Variants in SLC4A8 observed in about 807,000 individuals in gnomAD.
The protein encoded by SLC4A8 is electroneutral sodium bicarbonate exchanger 1.
Under a neutral mutation model 125.0 loss-of-function variants are expected in SLC4A8, and 40 were observed. That is an observed-to-expected ratio of 0.32 (90% confidence interval 0.25 to 0.42). The LOEUF (loss-of-function observed/expected upper bound fraction) is 0.42, where lower values mean the gene tolerates loss of function less well. Among genes scored for constraint, SLC4A8 ranks in the 10% least tolerant of loss-of-function variants. The probability of loss-of-function intolerance (pLI) is 1.00; values close to 1 mark genes in which losing one functional copy is unlikely to be tolerated. For synonymous variants in SLC4A8, 456 were observed against 476.0 expected (o/e 0.96, Z 0.55); for missense variants, 863 against 1,355.1 (o/e 0.64, Z 5.70).
At chr12:51,462,159 C>T (rs1950347075) in intron 9 of SLC4A8, 151 bp from the exon 10 acceptor site, 3 of 674,592 alleles carry the variant, frequency 4.4e-6, no homozygotes, top group Non-Finnish European at 7.7e-6. Context: ...TTTATCCTTG[C>T]ACTTCTCTAA....
At chr12:51,497,206 C>G (rs749859507) in intron 22 of SLC4A8, 82 bp downstream of exon 22, 1 of 1,410,736 alleles carries the variant, frequency 7.1e-7, no homozygotes, top group Non-Finnish European at 9.6e-7. Flanking sequence ...GTCAGCATGT[C>G]TGGAATCCCG....
rs2138468112 is a variant in SLC4A8, at chr12:51,509,112, A to G, written c.*1674A>G. On this transcript the variant is annotated 3_prime_UTR_variant, in exon 25 of 25. Transcript: ENST00000453097. ...CTCAGAAGGGATGCCTGCTGTAAAC[A>G]AGCAGTATGTATGGTTGTACCAATG... 6.5e-6 allele frequency: 1 copy of G among 152,806 alleles called. No individual in the cohort carries two copies. Among genetic ancestry groups the G allele is most frequent in the South Asian group, 2.1e-4 (1 of 4,828 alleles). 9.5% of individuals were successfully genotyped at this position (152,806 alleles called of 1,614,324 possible). A position where few individuals can be genotyped will look rare whatever the true frequency, so the allele number is the denominator to read the frequency against.
chr12:51,470,571 A>G (rs1183654200), intron 13 of SLC4A8, 46 bp downstream of exon 13: 2 of 1,560,100 alleles, frequency 1.3e-6, no homozygotes, highest in East Asian at 4.5e-5. Flanking sequence ...TTTAGTGATT[A>G]TGCTGCCAGG....
Position 51,507,454 on chromosome 12 carries a change from TG to T in SLC4A8, c.*18del. ...CTTCAACTAAGAGTCTTTGCTGGGA[TG>T]GAAGATTTGGGCCGTGTGGTGCCTC... On this transcript the variant is annotated 3_prime_UTR_variant, in exon 25 of 25. Transcript: ENST00000453097. The T allele has an allele frequency of 1.4e-6, 2 of 1,390,116 alleles. No individual in the cohort carries two copies. Among genetic ancestry groups the T allele is most frequent in the South Asian group, 4.3e-5 (2 of 46,568 alleles). The allele number at this position is 1,390,116 out of a possible 1,614,324, so 86.1% of individuals were successfully genotyped here.
intron 1 of SLC4A8, among the ~76,000 whole-genome samples, chr12:51,412,955 A>T (rs1027413970): frequency 2.8e-5 from 4 of 144,538 alleles, no homozygotes; most frequent in Admixed American, 7.1e-5. Flanking sequence ...GCTGGATCAC[A>T]TGGTAGTTCT....
chr12:51,485,069 T>A (rs1951127204), intron 16 of SLC4A8, among the ~76,000 whole-genome samples: 1 of 151,660 alleles, frequency 6.6e-6, no homozygotes, highest in Non-Finnish European at 1.5e-5. Flanking sequence ...TGGAGCAGAG[T>A]GGGCAAGCAG....
In SLC4A8 at chr12:51,434,068, T is replaced by G. The variant is rs569812674; in HGVS notation, c.49-6640T>G. 5.9e-5 allele frequency among the ~76,000 whole-genome samples: 9 copies of G among 151,968 alleles called. No homozygotes were observed. In the South Asian group the frequency reaches 1.7e-3, roughly 28 times the overall value. The stretch of plus-strand genomic sequence containing the variant: ...TTTTGAATTTGTTGTAGGGACGAGG[T>G]TTCACTATGTTGCCCAGGCTGGTCT... On this transcript the variant is annotated intron_variant, in intron 1 of 24. Coordinates refer to ENST00000453097, the MANE Select transcript of SLC4A8 (RefSeq NM_001039960.3).
intron 1 of SLC4A8, among the ~76,000 whole-genome samples, chr12:51,398,784 C>G (rs1024604545): frequency 3.3e-5 from 5 of 152,214 alleles, no homozygotes; most frequent in Admixed American, 6.5e-5. Flanking sequence ...GAGTCTCGCT[C>G]TGTCGCGCAG....
At position 51,455,170 on chromosome 12, in the gene SLC4A8, A is replaced by T. The variant is rs567646647; in HGVS notation, c.574+1471A>T. Among the ~76,000 whole-genome samples the T allele has an allele frequency of 1.7e-3, 258 of 150,464 alleles. 1 individual carries two copies. Among genetic ancestry groups the T allele is most frequent in the African/African-American group, 6.0e-3 (247 of 40,914 alleles). The stretch of plus-strand genomic sequence containing the variant: ...ATCTCAAGGCAGAAGAATTTTTCTT[A>T]GCACATAACAAAATGGAGTCTCCTA... On this transcript the variant is annotated intron_variant, in intron 5 of 24. Transcript: ENST00000453097.
Position 51,512,941 on chromosome 12 carries a change from T to C in SLC4A8, c.*5503T>C, listed in dbSNP as rs1345800256. On this transcript the variant is annotated 3_prime_UTR_variant, in exon 25 of 25. Coordinates refer to ENST00000453097, the MANE Select transcript of SLC4A8 (RefSeq NM_001039960.3). ...GTTAGGTGATTTCCATGACCACATTTGCTTGGGCCAGGGAAGTGGTGCACC... is the reference window on the plus strand; with the variant it reads ...GTTAGGTGATTTCCATGACCACATTCGCTTGGGCCAGGGAAGTGGTGCACC... 1 of 152,210 alleles carries C rather than the reference T, an allele frequency of 6.6e-6. No individual in the cohort carries two copies. The highest frequency in any genetic ancestry group is 1.5e-5 in the Non-Finnish European group (1 of 68,032). The allele number at this position is 152,210 out of a possible 1,614,324, so 9.4% of individuals were successfully genotyped here.
intron 22 of SLC4A8, chr12:51,501,713 T>G (rs1205431124): frequency 2.0e-5 from 3 of 152,232 alleles, no homozygotes; most frequent in African/African-American, 7.2e-5. Context: ...CTATTTTTAG[T>G]TCTTTGAGAA....
Position 51,493,783 on chromosome 12 carries a change from G to A in SLC4A8, c.2769+11G>A. 1 of 1,573,240 alleles carries A rather than the reference G, an allele frequency of 6.4e-7. No individual in the cohort carries two copies. The highest frequency in any genetic ancestry group is 8.8e-7 in the Non-Finnish European group (1 of 1,142,700). The stretch of plus-strand genomic sequence containing the variant: ...CTACAGGGAATTCAGGTATTGTATG[G>A]TTCAGCCAGGGCAGTTTCTTCTCAC... On this transcript the variant is annotated intron_variant, in intron 20 of 24. Coordinates refer to ENST00000453097, the MANE Select transcript of SLC4A8 (RefSeq NM_001039960.3).
chr12:51,453,727 A>G (rs1950038791), intron 5 of SLC4A8, 28 bp downstream of exon 5: 2 of 1,595,758 alleles, frequency 1.3e-6, no homozygotes, highest in Admixed American at 1.7e-5. Flanking sequence ...AAAACAGAGC[A>G]ACTTTCTTAT....
Position 51,460,111 on chromosome 12 carries a change from A to T in SLC4A8, c.1013+3A>T. 1 of 1,612,534 alleles carries T rather than the reference A, an allele frequency of 6.2e-7. No individual in the cohort carries two copies. Among genetic ancestry groups the T allele is most frequent in the Non-Finnish European group, 8.5e-7 (1 of 1,178,502 alleles). ...ACAGAAGTGCCAATCCCAACAAGGT[A>T]AAGGCAAAGATAAAACTCATGCATT... On this transcript the variant is annotated splice_donor_region_variant and intron_variant, in intron 8 of 24. Transcript: ENST00000453097.
chr12:51,420,742 G>A (rs1565759784), upstream of SLC4A8, among the ~76,000 whole-genome samples: 1 of 152,138 alleles, frequency 6.6e-6, no homozygotes, highest in Non-Finnish European at 1.5e-5. Context: ...AGAAAGAGTG[G>A]AGCCTATGAA....
At chr12:51,500,780 G>A (rs1937832150) in intron 22 of SLC4A8, among the ~76,000 whole-genome samples, 3 of 151,140 alleles carry the variant, frequency 2.0e-5, no homozygotes, top group Admixed American at 2.0e-4. Context: ...TCCGCCTCCC[G>A]GGTTCACGCC....
intron 1 of SLC4A8, among the ~76,000 whole-genome samples, chr12:51,394,389 A>G (rs1052180499): frequency 3.3e-5 from 5 of 152,246 alleles, no homozygotes; most frequent in African/African-American, 1.2e-4. Flanking sequence ...CTAATGTGTC[A>G]TGCACTGAGC....
chr12:51,450,715 A>G lies in SLC4A8; in HGVS notation c.131-161A>G, dbSNP rs76897219. 9.8e-3 allele frequency: 7,026 copies of G among 719,024 alleles called. 213 individuals carry two copies. The highest frequency in any genetic ancestry group is 0.069 in the Admixed American group (2,471 of 35,706). The allele number at this position is 719,024 out of a possible 1,614,324, so 44.5% of individuals were successfully genotyped here. A position where few individuals can be genotyped will look rare whatever the true frequency, so the allele number is the denominator to read the frequency against. On this transcript the variant is annotated intron_variant, in intron 2 of 24. Transcript: ENST00000453097. ...AGAGACCTTCAACTCCAAAATCTCT[A>G]TATCTTTACTCCTGGAAGTCTTTGA... is the stretch of plus-strand genomic sequence containing the variant.
chr12:51,491,002 C>T (rs1331225831), intron 19 of SLC4A8, among the ~76,000 whole-genome samples: 1 of 152,076 alleles, frequency 6.6e-6, no homozygotes, highest in African/African-American at 2.4e-5. Context: ...TGGAGGCAGA[C>T]CCAAAGGTCT....
Sources: gnomAD v4.1 joint callset for allele counts (sites outside exome capture counted in the v4.1 genomes callset) on GRCh38, gnomAD v4.1.1 for gene constraint, MANE v1.5 for transcripts, NCBI Gene and HGNC (gene_info 2026-07-23, HGNC 2026-07-21) for gene names.